Variants in CPQ observed in about 807,000 individuals in gnomAD.
CPQ encodes the protein Ser-Met dipeptidase.
Under a neutral mutation model 45.7 loss-of-function variants are expected in CPQ, and 37 were observed. The ratio of observed to expected loss-of-function variants is 0.81; its 90% CI spans 0.62 to 1.07. The LOEUF (loss-of-function observed/expected upper bound fraction) is 1.07, where lower values mean the gene tolerates loss of function less well. CPQ is among the 50% of genes least tolerant of loss of function. The pLI is 0.00. For missense variants in CPQ, 537 were observed against 572.9 expected, an observed-to-expected ratio of 0.94 and a Z score of 0.64; for synonymous variants, 186 against 205.8, an observed-to-expected ratio of 0.90 and a Z score of 0.82.
At position 97,039,113 on chromosome 8, in the gene CPQ, A is replaced by C. The variant is rs952100225; in HGVS notation, c.1053+9619A>C. Among the ~76,000 whole-genome samples, 3 of 152,234 alleles carry C rather than the reference A, an allele frequency of 2.0e-5. No individual in the cohort carries two copies. The East Asian group carries it at 5.8e-4, about 29-fold the overall frequency. Reference sequence around the variant, plus strand: ...CCAACAGAGGCCAACAGAACACACCATCACCAGATCAGTCTAGTGCCTTAC... The same window carrying C: ...CCAACAGAGGCCAACAGAACACACCCTCACCAGATCAGTCTAGTGCCTTAC... On this transcript the variant is annotated intron_variant, in intron 6 of 7. Coordinates refer to ENST00000220763, the MANE Select transcript of CPQ (RefSeq NM_016134.4).
At chr8:97,004,827 TAAGA>T (rs1809351230) in intron 5 of CPQ, among the ~76,000 whole-genome samples, 2 of 152,182 alleles carry the variant, frequency 1.3e-5, no homozygotes, top group South Asian at 4.1e-4. Context: ...AAAATATGAT[TAAGA>T]AAGAAAGATT....
At chr8:96,790,620 C>T (rs977144612) in intron 2 of CPQ, among the ~76,000 whole-genome samples, 1 of 152,032 alleles carries the variant, frequency 6.6e-6, no homozygotes, top group Non-Finnish European at 1.5e-5. Context: ...CTCTTACGTT[C>T]TTGTCTGCAC....
chr8:96,687,973 T>C (rs942023791), intron 1 of CPQ, among the ~76,000 whole-genome samples: 3 of 152,236 alleles, frequency 2.0e-5, no homozygotes, highest in African/African-American at 7.2e-5. Context: ...CTTAATTTTA[T>C]TTAGGTTTTC....
intron 1 of CPQ, among the ~76,000 whole-genome samples, chr8:96,734,768 T>A (rs1041876907): frequency 2.6e-4 from 40 of 151,720 alleles, no homozygotes; most frequent in African/African-American, 8.9e-4. Context: ...AATAAAAAAA[T>A]AAAATATCCT....
intron 7 of CPQ, among the ~76,000 whole-genome samples, chr8:97,106,376 C>T (rs889598199): frequency 1.3e-5 from 2 of 152,132 alleles, no homozygotes; most frequent in African/African-American, 4.8e-5. Context: ...GAAAAGTTGA[C>T]CTTGGACTTT....
intron 1 of CPQ, among the ~76,000 whole-genome samples, chr8:96,649,784 C>T (rs1339914749): frequency 6.6e-6 from 1 of 152,156 alleles, no homozygotes; most frequent in South Asian, 2.1e-4. Flanking sequence ...TAATAACTCA[C>T]TTAAAAAATA....
At chr8:97,000,930 A>G (rs1809269070) in intron 5 of CPQ, among the ~76,000 whole-genome samples, 1 of 152,118 alleles carries the variant, frequency 6.6e-6, no homozygotes, top group South Asian at 2.1e-4. Flanking sequence ...AGTGGTTTGT[A>G]GTTCTCCTTG....
chr8:96,883,331 C>G (rs1458199348), intron 4 of CPQ, among the ~76,000 whole-genome samples: 1 of 151,958 alleles, frequency 6.6e-6, no homozygotes, highest in African/African-American at 2.4e-5. Context: ...ATTTAAGTAC[C>G]CTTCTCTCTG....
intron 4 of CPQ, among the ~76,000 whole-genome samples, chr8:96,917,873 G>A (rs932876442): frequency 6.6e-6 from 1 of 151,992 alleles, no homozygotes; most frequent in African/African-American, 2.4e-5. Flanking sequence ...ACCATTCATT[G>A]TCCAGTTCCA....
At chr8:96,888,813 G>A (rs1046540488) in intron 4 of CPQ, among the ~76,000 whole-genome samples, 1 of 152,032 alleles carries the variant, frequency 6.6e-6, no homozygotes, top group African/African-American at 2.4e-5. Context: ...AGTTTTGCTG[G>A]GTAGATTATG....
chr8:96,674,912 G>T (rs985245658), intron 1 of CPQ, among the ~76,000 whole-genome samples: 1 of 151,978 alleles, frequency 6.6e-6, no homozygotes, highest in East Asian at 1.9e-4. Flanking sequence ...TTCTCAGACA[G>T]ACCATAATCA....
intron 4 of CPQ, among the ~76,000 whole-genome samples, chr8:96,908,666 T>C (rs1204367581): frequency 1.3e-5 from 2 of 152,054 alleles, no homozygotes; most frequent in Non-Finnish European, 2.9e-5. Context: ...ACTCTTTAAA[T>C]AGCTAGTTGG....
At chr8:96,929,040 T>C (rs1812933965) in intron 4 of CPQ, among the ~76,000 whole-genome samples, 1 of 152,236 alleles carries the variant, frequency 6.6e-6, no homozygotes, top group Non-Finnish European at 1.5e-5. Context: ...AGCCAACGTC[T>C]ATTTTGCACA....
chr8:96,709,165 C>T lies in CPQ; in HGVS notation c.-35+63763C>T, dbSNP rs533095545. ...GTTTTGTTTACATGAATAAATTGTA[C>T]AGTAGTAAAGCCTACGATTCTAGTG... On this transcript the variant is annotated intron_variant, in intron 1 of 7. Transcript: ENST00000220763. Among the ~76,000 whole-genome samples, 3 of 152,148 alleles carry T rather than the reference C, an allele frequency of 2.0e-5. No homozygotes were observed. The East Asian group carries it at 5.8e-4, about 29-fold the overall frequency.
chr8:96,852,345 A>C (rs184112399), intron 3 of CPQ, among the ~76,000 whole-genome samples: 10 of 152,300 alleles, frequency 6.6e-5, no homozygotes, highest in Middle Eastern at 3.4e-3. Flanking sequence ...CACACACAAA[A>C]AAAAAGACAC....
At chr8:96,655,998 G>A (rs1385109384) in intron 1 of CPQ, among the ~76,000 whole-genome samples, 1 of 152,094 alleles carries the variant, frequency 6.6e-6, no homozygotes, top group Non-Finnish European at 1.5e-5. Flanking sequence ...GGGACCACAG[G>A]TGTTTGCCAC....
intron 5 of CPQ, among the ~76,000 whole-genome samples, chr8:96,970,219 A>T (rs928294089): frequency 1.2e-4 from 19 of 152,320 alleles, no homozygotes; most frequent in African/African-American, 4.3e-4. Context: ...GTAGAGCTAG[A>T]GATGGCTGGT....
At chr8:97,032,735 A>C (rs1352908627) in intron 6 of CPQ, among the ~76,000 whole-genome samples, 1 of 152,224 alleles carries the variant, frequency 6.6e-6, no homozygotes, top group East Asian at 1.9e-4. Context: ...GCCTTTGTCT[A>C]GCAACACACA....
intron 4 of CPQ, among the ~76,000 whole-genome samples, chr8:96,948,009 A>T (rs182659268): frequency 6.6e-6 from 1 of 152,170 alleles, no homozygotes; most frequent in Non-Finnish European, 1.5e-5. Context: ...AACCAAAACA[A>T]GACACGCAGA....
Sources: gnomAD v4.1 joint callset for allele counts (sites outside exome capture counted in the v4.1 genomes callset) on GRCh38, gnomAD v4.1.1 for gene constraint, MANE v1.5 for transcripts, NCBI Gene and HGNC (gene_info 2026-07-23, HGNC 2026-07-21) for gene names.